UBE2G2: variants seen among roughly 807,000 people sequenced by gnomAD.
UBE2G2 encodes ubiquitin conjugating enzyme E2 G2.
A neutral mutation model predicts 23.0 loss-of-function variants in UBE2G2; 10 were observed. The observed-to-expected ratio is 0.43, with a 90% CI of 0.27 to 0.74. The LOEUF (loss-of-function observed/expected upper bound fraction) is 0.74, where lower values mean the gene tolerates loss of function less well. UBE2G2 is among the 30% of genes least tolerant of loss of function. UBE2G2 has a pLI of 0.19. For synonymous variants in UBE2G2, 86 were observed against 81.3 expected, an observed-to-expected ratio of 1.06 and a Z score of -0.31; for missense variants, 150 against 218.3, an observed-to-expected ratio of 0.69 and a Z score of 1.97.
At chr21:44,773,856 A>AGGCCCCACCG in intron 4 of UBE2G2, 169 bp from the exon 5 acceptor site, 1 of 924,512 alleles carries the variant, frequency 1.1e-6, no homozygotes, top group Non-Finnish European at 1.5e-6. Flanking sequence ...TCATGTCTGC[A>AGGCCCCACCG]GGAATCCCGG....
At position 44,773,702 on chromosome 21, in the gene UBE2G2, G is replaced by C; in HGVS notation, c.245-15C>G. 1 of 1,609,824 alleles carries C rather than the reference G, an allele frequency of 6.2e-7. No homozygotes were observed. The highest frequency in any genetic ancestry group is 8.5e-7 in the Non-Finnish European group (1 of 1,179,176). ...ATCAGGGTAGACTGCAAGGGTCAGA[G>C]GCAGCCAAGTGAGCCCAGGAATGGT... On this transcript the variant is annotated splice_polypyrimidine_tract_variant and intron_variant, in intron 4 of 5. Coordinates refer to ENST00000345496, the MANE Select transcript of UBE2G2 (RefSeq NM_003343.6).
chr21:44,800,490 G>C (rs2083126770), intron 1 of UBE2G2: 1 of 152,218 alleles, frequency 6.6e-6, no homozygotes, highest in Admixed American at 6.5e-5. Flanking sequence ...GTAACCTTGA[G>C]ATGATTTAAA....
At chr21:44,795,121 G>C (rs184077660) in intron 1 of UBE2G2, among the ~76,000 whole-genome samples, 1 of 152,032 alleles carries the variant, frequency 6.6e-6, no homozygotes, top group Admixed American at 6.5e-5. Context: ...AAATTAGCCA[G>C]GTGTGGTGGC....
At chr21:44,796,329 G>T (rs1330657464) in intron 1 of UBE2G2, among the ~76,000 whole-genome samples, 1 of 151,950 alleles carries the variant, frequency 6.6e-6, no homozygotes, top group African/African-American at 2.4e-5. Context: ...CATAGCCAAG[G>T]TCCCACCACC....
intron 1 of UBE2G2, among the ~76,000 whole-genome samples, chr21:44,789,018 C>CAT (rs782337297): frequency 2.0e-4 from 30 of 151,900 alleles, no homozygotes; most frequent in Admixed American, 3.9e-4. Context: ...GAATATGAGG[C>CAT]ATATATATAT....
chr21:44,795,074 C>T (rs1447340526), intron 1 of UBE2G2, among the ~76,000 whole-genome samples: 1 of 151,916 alleles, frequency 6.6e-6, no homozygotes, highest in African/African-American at 2.4e-5. Context: ...ACCAGCCTAG[C>T]CAACATAGTG....
At chr21:44,795,991 G>A (rs1406689655) in intron 1 of UBE2G2, among the ~76,000 whole-genome samples, 2 of 152,222 alleles carry the variant, frequency 1.3e-5, no homozygotes, top group African/African-American at 4.8e-5. Flanking sequence ...GAAGAGGCAA[G>A]TAAGGGTTCT....
intron 1 of UBE2G2, among the ~76,000 whole-genome samples, chr21:44,789,441 C>A (rs367549879): frequency 1.2e-4 from 18 of 150,684 alleles, no homozygotes; most frequent in African/African-American, 4.1e-4. Flanking sequence ...AGTTACCAAG[C>A]CTTCCTTACA....
chr21:44,801,722 C>G lies in UBE2G2; in HGVS notation c.27G>C (p.Leu9=). The change falls in exon 1 of 6, where the codon CTG becomes CTC. Residue 9 remains leucine (L), a synonymous_variant. Coordinates refer to ENST00000345496, the MANE Select transcript of UBE2G2 (RefSeq NM_003343.6). ...CAGACTCACGTTTGTACTCGGCCAT[C>G]AGCCTCTTGAGCGCGGTCCCCGCCA... MAGTALKR[L]MAEYKQLTLN... 1.3e-6 allele frequency: 2 copies of G among 1,522,954 alleles called. No homozygotes were observed. The highest frequency in any genetic ancestry group is 2.7e-5 in the East Asian group (1 of 36,686). 94.3% of individuals were successfully genotyped at this position (1,522,954 alleles called of 1,614,324 possible).
At chr21:44,775,876 T>C (rs1165424091) in intron 4 of UBE2G2, among the ~76,000 whole-genome samples, 5 of 152,210 alleles carry the variant, frequency 3.3e-5, no homozygotes, top group African/African-American at 1.2e-4. Flanking sequence ...GTGATGAACC[T>C]CCATGTTATC....
rs1569291291 is a variant in UBE2G2 at position 44,771,011 on chromosome 21, A to G, written c.*366T>C. On this transcript the variant is annotated 3_prime_UTR_variant, in exon 6 of 6. Transcript: ENST00000345496. The surrounding 1 kb of genome is among the most constrained non-coding windows in gnomAD (Gnocchi z 4.6). ...TCAGAAGGAGCGTTCTGGGTATTCC[A>G]TCGTCCCCTGGAAGTCTGGCAGGTA... 2 of 187,530 alleles carry G rather than the reference A, an allele frequency of 1.1e-5. No individual in the cohort carries two copies. The highest frequency in any genetic ancestry group is 1.1e-5 in the Non-Finnish European group (1 of 90,004). The allele number at this position is 187,530 out of a possible 1,614,324, so 11.6% of individuals were successfully genotyped here.
In UBE2G2 at chr21:44,771,339, T is replaced by C. The variant is rs781815410; in HGVS notation, c.*38A>G. 1 of 1,585,180 alleles carries C rather than the reference T, an allele frequency of 6.3e-7. No individual in the cohort carries two copies. Among genetic ancestry groups the C allele is most frequent in the East Asian group, 2.2e-5 (1 of 44,722 alleles). On this transcript the variant is annotated 3_prime_UTR_variant, in exon 6 of 6. Transcript: ENST00000345496. The surrounding 1 kb of genome is among the most constrained non-coding windows in gnomAD (Gnocchi z 4.6). ...AGTGTGCCGGGGGAGAATGCTGAGCTGCTTGGCGGTGTGTGCGCGCCTGTG... is the reference window on the plus strand; with the variant it reads ...AGTGTGCCGGGGGAGAATGCTGAGCCGCTTGGCGGTGTGTGCGCGCCTGTG...
chr21:44,775,382 C>G (rs2082906063), intron 4 of UBE2G2: 1 of 152,240 alleles, frequency 6.6e-6, no homozygotes, highest in South Asian at 2.1e-4. Flanking sequence ...GGAATATAAG[C>G]TCCTGAAGGT....
intron 3 of UBE2G2, among the ~76,000 whole-genome samples, chr21:44,784,433 A>G (rs2082980091): frequency 6.6e-6 from 1 of 152,178 alleles, no homozygotes; most frequent in Admixed American, 6.5e-5. Flanking sequence ...ACTGCAATGA[A>G]TGTGGCAATA....
intron 3 of UBE2G2, among the ~76,000 whole-genome samples, chr21:44,781,783 A>G (rs1555961373): frequency 1.3e-5 from 2 of 152,176 alleles, no homozygotes; most frequent in Non-Finnish European, 2.9e-5. Context: ...GTAGATAACC[A>G]ATGCTAAGAA....
chr21:44,787,046 T>C (rs1465329537), intron 3 of UBE2G2, among the ~76,000 whole-genome samples: 3 of 150,892 alleles, frequency 2.0e-5, no homozygotes, highest in African/African-American at 7.3e-5. Context: ...GAGCCAAGGT[T>C]GTGCCACCGC....
intron 1 of UBE2G2, among the ~76,000 whole-genome samples, chr21:44,792,000 T>C (rs2083049463): frequency 1.3e-5 from 2 of 152,236 alleles, no homozygotes; most frequent in African/African-American, 4.8e-5. Flanking sequence ...ATTTAATGAC[T>C]GCCCAGCCGG....
chr21:44,783,294 T>G (rs918497611), intron 3 of UBE2G2, among the ~76,000 whole-genome samples: 1 of 152,248 alleles, frequency 6.6e-6, no homozygotes, highest in African/African-American at 2.4e-5. Context: ...GAAACTGGAA[T>G]GCTCATACAC....
At chr21:44,784,746 C>T (rs1047685244) in intron 3 of UBE2G2, among the ~76,000 whole-genome samples, 3 of 152,144 alleles carry the variant, frequency 2.0e-5, no homozygotes, top group Non-Finnish European at 4.4e-5. Context: ...AGCATCCATC[C>T]ACCAACTGGG....
Sources: allele counts gnomAD v4.1 joint callset (sites outside exome capture counted in the v4.1 genomes callset), GRCh38; gene constraint gnomAD v4.1.1; non-coding constraint Gnocchi (gnomAD v3.1); transcripts MANE v1.5; gene names NCBI Gene and HGNC (gene_info 2026-07-23, HGNC 2026-07-21).